ARCN1: variants seen among roughly 807,000 people sequenced by gnomAD.
The protein encoded by ARCN1 is coatomer subunit delta.
In ARCN1, 5 loss-of-function variants were observed where a neutral mutation model predicts 60.4. The observed-to-expected ratio is 0.08, with a 90% CI of 0.04 to 0.17. The LOEUF (loss-of-function observed/expected upper bound fraction) is 0.17. ARCN1 is among the 10% of genes least tolerant of loss of function. ARCN1 has a pLI of 1.00. For synonymous variants in ARCN1, 224 were observed against 220.0 expected, an observed-to-expected ratio of 1.02 and a Z score of -0.16; for missense variants, 464 against 626.5, an observed-to-expected ratio of 0.74 and a Z score of 2.77.
In ARCN1 at chr11:118,584,562, G is replaced by A; in HGVS notation, c.736G>A (p.Gly246Ser). Residue 246 changes from glycine to serine, a missense_variant, in exon 5 of 10, where the codon GGT becomes AGT. By Grantham distance (56) the Gly-to-Ser change is moderately conservative. This residue lies in a region of ARCN1 where 359 missense variants were observed against 440.2 expected (regional missense o/e 0.82). Coordinates refer to ENST00000264028, the MANE Select transcript of ARCN1 (RefSeq NM_001655.5). ...DNFVDKLKSE[G>S]ETIMSSSMGK... ...CTTTGTGGACAAATTAAAATCTGAA[G>A]GTGAAACCATCATGTCCTCTAGTAT... is the stretch of plus-strand genomic sequence containing the variant. 6.2e-7 allele frequency: 1 copy of A among 1,613,930 alleles called. No homozygotes were observed.
chr11:118,595,448 A>G (rs1939004720), intron 8 of ARCN1, among the ~76,000 whole-genome samples: 2 of 152,238 alleles, frequency 1.3e-5, no homozygotes, highest in Non-Finnish European at 1.5e-5. Flanking sequence ...TTTTAATTGT[A>G]TAATCTTGAC....
chr11:118,584,796 A>G (rs1283732593), intron 5 of ARCN1, 152 bp downstream of exon 5: 20 of 757,612 alleles, frequency 2.6e-5, no homozygotes, highest in Non-Finnish European at 3.5e-5. Flanking sequence ...ACATATTAAC[A>G]TAAGATCGTT....
At chr11:118,597,949 G>A (rs782363028) in intron 9 of ARCN1, 38 bp downstream of exon 9, 2 of 1,604,700 alleles carry the variant, frequency 1.2e-6, no homozygotes, top group Admixed American at 3.3e-5. Flanking sequence ...TAGGGAAAGT[G>A]GTAGGACAGT....
chr11:118,597,766 G>A lies in ARCN1; in HGVS notation c.1301G>A (p.Arg434Gln), dbSNP rs146311433. Residue 434 changes from arginine to glutamine, a missense_variant, in exon 9 of 10, where the codon CGA (arginine) becomes CAA (glutamine). Physicochemically the swap from Arg to Gln is conservative, Grantham distance 43. This residue lies in a region of ARCN1 where 359 missense variants were observed against 440.2 expected (regional missense o/e 0.82). Transcript: ENST00000264028. ...EIDGEYRHDS[R>Q]RNTLEWCLPV... ...GATGGGGAGTATCGACATGACAGTC[G>A]ACGAAATACCCTGGAGTGGTGCCTG... 216 of 1,613,996 alleles carry A rather than the reference G, an allele frequency of 1.3e-4. No individual in the cohort carries two copies. Among genetic ancestry groups the A allele is most frequent in the Non-Finnish European group, 1.7e-4 (197 of 1,180,042 alleles).
At chr11:118,600,368 G>C (rs1258284216) in intron 9 of ARCN1, among the ~76,000 whole-genome samples, 9 of 152,142 alleles carry the variant, frequency 5.9e-5, no homozygotes, top group Admixed American at 5.2e-4. Flanking sequence ...ACTCATTTTG[G>C]AGCTTTTACT....
chr11:118,592,764 A>G lies in ARCN1; in HGVS notation c.1040A>G (p.Lys347Arg). Residue 347 changes from lysine (K) to arginine (R), a missense_variant, in exon 7 of 10, where the codon AAG (lysine) becomes AGG (arginine). Around this residue, in one of 2 missense-constraint regions of ARCN1, gnomAD observed 359 missense variants for 440.2 expected, o/e 0.82. Transcript: ENST00000264028. ...ACTGCAGAGTCTCTAATTGGCCTGA[A>G]GAATCCAGAGAAGTCATTTCCAGTC... ...LFTAESLIGL[K>R]NPEKSFPVNS... 6.2e-7 allele frequency: 1 copy of G among 1,614,076 alleles called. No homozygotes were observed. The highest frequency in any genetic ancestry group is 1.1e-5 in the South Asian group (1 of 91,082).
chr11:118,581,019 C>G (rs1430232170), intron 1 of ARCN1, among the ~76,000 whole-genome samples: 2 of 152,064 alleles, frequency 1.3e-5, no homozygotes, highest in Non-Finnish European at 2.9e-5. Context: ...ACTTGTAGTC[C>G]CAGCCACTCA....
chr11:118,582,265 C>A (rs1187988159), intron 2 of ARCN1, among the ~76,000 whole-genome samples: 1 of 152,102 alleles, frequency 6.6e-6, no homozygotes, highest in Non-Finnish European at 1.5e-5. Flanking sequence ...GCCTCAGCCT[C>A]CCGAGTAGTT....
At chr11:118,593,865 A>C in intron 8 of ARCN1, 167 bp downstream of exon 8, 1 of 486,942 alleles carries the variant, frequency 2.1e-6, no homozygotes, top group Non-Finnish European at 3.7e-6. Context: ...ATGTGATTCC[A>C]CTTCTTTGTC....
intron 1 of ARCN1, among the ~76,000 whole-genome samples, chr11:118,577,372 C>T (rs9735449): frequency 0.14 from 21,138 of 151,840 alleles, 2,065 homozygotes; most frequent in East Asian, 0.52. Context: ...TCACTCTCCC[C>T]GTAGCTGGGA....
At chr11:118,580,912 CG>C (rs1938635282) in intron 1 of ARCN1, among the ~76,000 whole-genome samples, 4 of 152,148 alleles carry the variant, frequency 2.6e-5, no homozygotes, top group Non-Finnish European at 5.9e-5. Context: ...GCAGGAGGAT[CG>C]CTTGAACCCA....
At chr11:118,591,836 G>A (rs188343331) in intron 6 of ARCN1, among the ~76,000 whole-genome samples, 192 of 151,680 alleles carry the variant, frequency 1.3e-3, no homozygotes, top group Non-Finnish European at 2.2e-3. Flanking sequence ...CTAGGCTCAA[G>A]CAATGCTTCC....
chr11:118,575,115 A>T (rs1183757901), intron 1 of ARCN1, among the ~76,000 whole-genome samples: 2 of 152,028 alleles, frequency 1.3e-5, no homozygotes, highest in South Asian at 4.1e-4. Context: ...AGTAGCTGGG[A>T]CTGCAGGCGC....
In ARCN1 at chr11:118,584,472, C is replaced by A; in HGVS notation, c.654-8C>A. 1.3e-6 allele frequency: 2 copies of A among 1,594,904 alleles called. No homozygotes were observed. Among genetic ancestry groups the A allele is most frequent in the South Asian group, 2.3e-5 (2 of 87,404 alleles). On this transcript the variant is annotated splice_region_variant and splice_polypyrimidine_tract_variant and intron_variant, in intron 4 of 9. Transcript: ENST00000264028. ...TTTGGGTAATGAATTTCAAATTCTT[C>A]CACTTAGGCCTTCAGGCCCCAGCAA...
Position 118,597,573 on chromosome 11 carries a change from T to TAGAG in ARCN1, c.1242-132_1242-131insAGAG, listed in dbSNP as rs10674058. 732,327 of 782,332 alleles carry TAGAG rather than the reference T, an allele frequency of 0.94. 343,459 individuals are homozygous for TAGAG. Among genetic ancestry groups the TAGAG allele is most frequent in the East Asian group, 1 (37,225 of 37,230 alleles). The allele number at this position is 782,332 out of a possible 1,614,324, so 48.5% of individuals were successfully genotyped here. A position where few individuals can be genotyped will look rare whatever the true frequency, so the allele number is the denominator to read the frequency against. On this transcript the variant is annotated intron_variant, in intron 8 of 9. Coordinates refer to ENST00000264028, the MANE Select transcript of ARCN1 (RefSeq NM_001655.5). The stretch of plus-strand genomic sequence containing the variant: ...TTCATCGTTTGATCCTTGAAGTTAT[T>TAGAG]AGCCTTTTTTTCCCCTGAAATTGTA...
intron 1 of ARCN1, 72 bp from the exon 2 acceptor site, chr11:118,581,174 C>A: frequency 6.4e-7 from 1 of 1,559,986 alleles, no homozygotes; most frequent in South Asian, 1.2e-5. Context: ...TTCTATGGAA[C>A]ATTTCCTGAG....
chr11:118,584,051 G>A (rs117095450), intron 4 of ARCN1, 37 bp downstream of exon 4: 3 of 1,565,762 alleles, frequency 1.9e-6, no homozygotes, highest in African/African-American at 2.7e-5. Context: ...CAGGTGAAGG[G>A]TGTATATGTG....
chr11:118,575,210 C>T (rs1222646419), intron 1 of ARCN1, among the ~76,000 whole-genome samples: 5 of 152,144 alleles, frequency 3.3e-5, no homozygotes, highest in African/African-American at 1.2e-4. Flanking sequence ...GATCTCCTCA[C>T]CTCGTGATCT....
At chr11:118,588,633 C>T (rs1163775503) in intron 5 of ARCN1, among the ~76,000 whole-genome samples, 2 of 152,130 alleles carry the variant, frequency 1.3e-5, no homozygotes, top group Non-Finnish European at 2.9e-5. Flanking sequence ...TCACTTGAGA[C>T]CAGGAGTTCA....
Sources: gnomAD v4.1 joint callset for allele counts (sites outside exome capture counted in the v4.1 genomes callset) on GRCh38, gnomAD v4.1.1 for gene constraint, gnomAD v4.1.1 regional missense constraint, MANE v1.5 for transcripts, NCBI Gene and HGNC (gene_info 2026-07-23, HGNC 2026-07-21) for gene names.